The following MPDZ variants were observed in gnomAD, a reference collection of about 807,000 sequenced individuals.
MPDZ encodes the protein multiple PDZ domain protein.
A neutral mutation model predicts 239.1 loss-of-function variants in MPDZ; 234 were observed. The observed-to-expected ratio is 0.98, with a 90% CI of 0.88 to 1.09. The LOEUF (loss-of-function observed/expected upper bound fraction) is 1.09, where lower values mean the gene tolerates loss of function less well. MPDZ is among the 50% of genes least tolerant of loss of function. The pLI, the probability that MPDZ is intolerant of heterozygous loss-of-function variation, is 0.00. For missense variants in MPDZ, 3,175 were observed against 2,510.0 expected (o/e 1.26, Z -5.66); for synonymous variants, 1,048 against 881.3 (o/e 1.19, Z -3.35).
At position 13,140,906 on chromosome 9, in the gene MPDZ, C is replaced by T. The variant is rs575714574; in HGVS notation, c.3841-757G>A. On this transcript the variant is annotated intron_variant, in intron 27 of 46. Coordinates refer to ENST00000319217, the MANE Select transcript of MPDZ (RefSeq NM_001378778.1). ...GGACAGCAAGTATCACACATGCAGG[C>T]TTGTCTACCAGAGAGCCAGTTTGTT... The T allele has an allele frequency of 2.0e-5, 3 of 152,186 alleles. No homozygotes were observed. The East Asian group carries it at 5.8e-4, about 29-fold the overall frequency. 9.4% of individuals were successfully genotyped at this position (152,186 alleles called of 1,614,324 possible). A position where few individuals can be genotyped will look rare whatever the true frequency, so the allele number is the denominator to read the frequency against.
intron 29 of MPDZ, 59 bp from the exon 30 acceptor site, chr9:13,136,862 A>G: frequency 2.1e-6 from 2 of 950,304 alleles, no homozygotes; most frequent in East Asian, 2.7e-5. Context: ...AAGTTTTATC[A>G]TCCTTCCTCA....
intron 5 of MPDZ, among the ~76,000 whole-genome samples, chr9:13,222,909 G>T (rs1959217882): frequency 6.6e-6 from 1 of 151,174 alleles, no homozygotes. Context: ...CCCCAACTGG[G>T]GATCACATCC....
rs76350657 is a variant in MPDZ, at chr9:13,220,084, G to C, written c.877-316C>G. Among the ~76,000 whole-genome samples, 450 of 151,924 alleles carry C rather than the reference G, an allele frequency of 3.0e-3. 2 individuals are homozygous for C. Among genetic ancestry groups the C allele is most frequent in the Non-Finnish European group, 4.9e-3 (334 of 67,926 alleles). ...CTAAATGCCTTTTTGTGAATTTTTT[G>C]GAGGGAAAGAAGAAAATGCCCTTAA... On this transcript the variant is annotated intron_variant, in intron 7 of 46. Transcript: ENST00000319217.
chr9:13,247,619 G>A lies in MPDZ; in HGVS notation c.183+16C>T. The A allele has an allele frequency of 1.3e-6, 2 of 1,599,880 alleles. No individual in the cohort carries two copies. Among genetic ancestry groups the A allele is most frequent in the South Asian group, 1.1e-5 (1 of 89,826 alleles). On this transcript the variant is annotated intron_variant, in intron 3 of 46. Coordinates refer to ENST00000319217, the MANE Select transcript of MPDZ (RefSeq NM_001378778.1). ...TGCCATGTCGTGAATGCCTGCTTGG[G>A]TGAATGATGTCCTACCTGGTCTTTC... is the stretch of plus-strand genomic sequence containing the variant.
At chr9:13,279,257 A>ACCCCCACCCCCG (rs1975043657) in intron 1 of MPDZ, 143 bp downstream of exon 1, 2 of 23,942 alleles carry the variant, frequency 8.4e-5, no homozygotes, top group Non-Finnish European at 1.8e-4. Context: ...CCCTACCCCC[A>ACCCCCACCCCCG]CCCCCACCCC....
At position 13,194,418 on chromosome 9, in the gene MPDZ, C is replaced by G. The variant is rs756454132; in HGVS notation, c.1657-1105G>C. Among the ~76,000 whole-genome samples the G allele has an allele frequency of 6.6e-5, 10 of 151,996 alleles. No homozygotes were observed. In the South Asian group the frequency reaches 1.0e-3, roughly 16 times the overall value. On this transcript the variant is annotated intron_variant, in intron 13 of 46. Transcript: ENST00000319217. Reference sequence around the variant, plus strand: ...GCAGGGACATGGATGAAGCTAGAAGCCATCACTCTCAGCAAACTAACACAG... The same window carrying G: ...GCAGGGACATGGATGAAGCTAGAAGGCATCACTCTCAGCAAACTAACACAG...
intron 1 of MPDZ, among the ~76,000 whole-genome samples, chr9:13,267,764 G>C (rs1972090511): frequency 6.6e-6 from 1 of 152,158 alleles, no homozygotes; most frequent in Non-Finnish European, 1.5e-5. Context: ...TGGAAAGATG[G>C]AATGGCACTG....
At chr9:13,234,075 C>A (rs992954155) in intron 3 of MPDZ, among the ~76,000 whole-genome samples, 1 of 152,012 alleles carries the variant, frequency 6.6e-6, no homozygotes, top group African/African-American at 2.4e-5. Context: ...TATTGCATAC[C>A]AAATTCTTTT....
At chr9:13,195,275 G>A (rs567945873) in intron 13 of MPDZ, among the ~76,000 whole-genome samples, 4 of 152,186 alleles carry the variant, frequency 2.6e-5, no homozygotes, top group South Asian at 2.1e-4. Context: ...GTGACAGAGC[G>A]AGACCTTGTC....
At chr9:13,231,075 T>C (rs1178651384) in intron 3 of MPDZ, among the ~76,000 whole-genome samples, 1 of 152,098 alleles carries the variant, frequency 6.6e-6, no homozygotes. Context: ...AAAGTTGATC[T>C]TTGAGACAAA....
chr9:13,236,354 C>T (rs1324135019), intron 3 of MPDZ, among the ~76,000 whole-genome samples: 1 of 144,466 alleles, frequency 6.9e-6, no homozygotes, highest in African/African-American at 2.6e-5. Flanking sequence ...CTCAGCTCAC[C>T]GCAACCTCTG....
chr9:13,222,372 T>C lies in MPDZ; in HGVS notation c.608A>G (p.Gln203Arg), dbSNP rs767504930. The C allele has an allele frequency of 1.1e-5, 17 of 1,612,822 alleles. No homozygotes were observed. In the African/African-American group the frequency reaches 1.1e-4, roughly 10 times the overall value. The change falls in exon 6 of 47, where the codon CAG becomes CGG. Residue 203 changes from glutamine to arginine, a missense_variant. Gln to Arg is a conservative substitution (Grantham distance 43). Transcript: ENST00000319217. ...GQALDQTITH[Q>R]QAISILQKAK... ...TTTCTGCAGGATGCTGATAGCCTGC[T>C]GATGTGTAATTGTCTGATCAAGAGC...
chr9:13,216,910 A>G, intron 9 of MPDZ, 48 bp from the exon 10 acceptor site: 1 of 1,402,098 alleles, frequency 7.1e-7, no homozygotes, highest in Non-Finnish European at 9.9e-7. Flanking sequence ...AGCACATTCA[A>G]AGAATATCCA....
At position 13,113,044 on chromosome 9, in the gene MPDZ, T is replaced by C. The variant is rs1378633861; in HGVS notation, c.5568A>G (p.Glu1856=). 6.3e-7 allele frequency: 1 copy of C among 1,583,492 alleles called. No homozygotes were observed. The highest frequency in any genetic ancestry group is 1.2e-5 in the South Asian group (1 of 86,618). The change falls in exon 42 of 47, where the codon GAA becomes GAG. Residue 1856 remains glutamate (E), a synonymous_variant. Coordinates refer to ENST00000319217, the MANE Select transcript of MPDZ (RefSeq NM_001378778.1). ...SSSKKNALAS[E]IQGLRTVEMK... ...TTTCGACTGTTCTTAATCCCTGTAT[T>C]TCAGATGCCACTGTAAAGGCAAAAA... is the stretch of plus-strand genomic sequence containing the variant.
At chr9:13,150,206 G>T (rs1296832524) in intron 25 of MPDZ, among the ~76,000 whole-genome samples, 1 of 151,502 alleles carries the variant, frequency 6.6e-6, no homozygotes, top group Non-Finnish European at 1.5e-5. Context: ...TAAATGGTTG[G>T]CTTTATCTCC....
intron 24 of MPDZ, among the ~76,000 whole-genome samples, chr9:13,154,042 C>T (rs1038208011): frequency 6.6e-6 from 1 of 152,088 alleles, no homozygotes; most frequent in African/African-American, 2.4e-5. Context: ...CTTACTGGCC[C>T]CATTTTACAA....
At chr9:13,175,946 T>A (rs1952425483) in intron 20 of MPDZ, 71 bp from the exon 21 acceptor site, 5 of 1,502,914 alleles carry the variant, frequency 3.3e-6, no homozygotes, top group Admixed American at 2.3e-5. Flanking sequence ...GATTTCAACA[T>A]CACGCATGTT....
chr9:13,113,813 AC>A, intron 41 of MPDZ, 117 bp downstream of exon 41: 2 of 764,744 alleles, frequency 2.6e-6, no homozygotes, highest in Non-Finnish European at 4.3e-6. Flanking sequence ...GTGTTTTTGT[AC>A]CTATATTTGG....
rs1265911577 is a variant in MPDZ, at chr9:13,147,621, T to A, written c.3668A>T (p.Gln1223Leu). Residue 1223 changes from glutamine to leucine, a missense_variant, in exon 26 of 47, where the codon CAA becomes CTA. Physicochemically the swap from Gln to Leu is moderately radical, Grantham distance 113. Transcript: ENST00000319217. The stretch of plus-strand genomic sequence containing the variant: ...TGCTTTCCGAATGGCTTCCACAGCT[T>A]GTTCATGGCTTGCATCTCTGAGGTC... ...GMDLRDASHE[Q>L]AVEAIRKAGN... The A allele has an allele frequency of 5.0e-6, 8 of 1,612,396 alleles. No homozygotes were observed. Among genetic ancestry groups the A allele is most frequent in the Non-Finnish European group, 6.8e-6 (8 of 1,178,798 alleles).
Sources: gnomAD v4.1 joint callset for allele counts (sites outside exome capture counted in the v4.1 genomes callset) on GRCh38, gnomAD v4.1.1 for gene constraint, MANE v1.5 for transcripts, NCBI Gene and HGNC (gene_info 2026-07-23, HGNC 2026-07-21) for gene names.